TOPAZ1: variants seen among roughly 807,000 people sequenced by gnomAD.
The protein encoded by TOPAZ1 is testis and ovary specific TOPAZ 1, also known as protein TOPAZ1.
A neutral mutation model predicts 172.2 loss-of-function variants in TOPAZ1; 66 were observed. The ratio of observed to expected loss-of-function variants is 0.38; its 90% confidence interval spans 0.31 to 0.47. The LOEUF (loss-of-function observed/expected upper bound fraction) is 0.47, where lower values mean the gene tolerates loss of function less well. TOPAZ1 is among the 20% of genes least tolerant of loss of function. The pLI is 0.99. For synonymous variants in TOPAZ1, 681 were observed against 683.9 expected (o/e 1.00, Z 0.07); for missense variants, 1,822 against 1,972.4 (o/e 0.92, Z 1.44).
Position 44,244,870 on chromosome 3 carries a change from A to G in TOPAZ1, c.2364A>G (p.Glu788=), listed in dbSNP as rs1248723167. ...NNSKPSNHVS[E]PGNIVSNKEV... ...GCAAACCATCTAATCACGTCTCTGA[A>G]CCAGGCAATATTGTTTCTAATAAAG... Residue 788 remains glutamate, a synonymous_variant, in exon 2 of 20, where the codon GAA becomes GAG. Transcript: ENST00000309765. The G allele has an allele frequency of 1.0e-5, 16 of 1,551,778 alleles. No individual in the cohort carries two copies. The highest frequency in any genetic ancestry group is 2.4e-5 in the East Asian group (1 of 40,910).
intron 9 of TOPAZ1, among the ~76,000 whole-genome samples, chr3:44,283,363 T>C (rs1029615194): frequency 2.0e-5 from 3 of 152,090 alleles, no homozygotes; most frequent in Non-Finnish European, 2.9e-5. Flanking sequence ...ACAAGAGGAA[T>C]CACTTTAAGA....
chr3:44,316,048 A>G (rs1700447950), intron 16 of TOPAZ1, among the ~76,000 whole-genome samples: 1 of 151,966 alleles, frequency 6.6e-6, no homozygotes, highest in South Asian at 2.1e-4. Flanking sequence ...CAGCCTGGGC[A>G]ACGTAGGGAG....
At chr3:44,282,707 C>T (rs1025693738) in intron 9 of TOPAZ1, among the ~76,000 whole-genome samples, 1 of 152,090 alleles carries the variant, frequency 6.6e-6, no homozygotes, top group Non-Finnish European at 1.5e-5. Context: ...ACACAACCAC[C>T]AAAGCCACAT....
In TOPAZ1 at chr3:44,244,458, C is replaced by T. The variant is rs1187129623; in HGVS notation, c.1952C>T (p.Ala651Val). 1 of 1,551,622 alleles carries T rather than the reference C, an allele frequency of 6.4e-7. No homozygotes were observed. Among genetic ancestry groups the T allele is most frequent in the African/African-American group, 1.4e-5 (1 of 73,158 alleles). ...LTATSKDGQE[A>V]NNSAGKTIHR... is the part of the protein sequence containing the mutation. ...GCGACTTCCAAAGATGGTCAGGAAG[C>T]AAATAACTCTGCAGGCAAAACTATT... is the stretch of plus-strand genomic sequence containing the variant. Residue 651 changes from alanine (A) to valine (V), a missense_variant, in exon 2 of 20, where the codon GCA becomes GTA. By Grantham distance (64) the Ala-to-Val change is moderately conservative (BLOSUM62 0). Around this residue, in one of 2 missense-constraint regions of TOPAZ1, gnomAD observed 1,489 missense variants for 1,490.8 expected, o/e 1.00. Transcript: ENST00000309765.
At chr3:44,265,942 A>G (rs978884634) in intron 5 of TOPAZ1, among the ~76,000 whole-genome samples, 1 of 152,210 alleles carries the variant, frequency 6.6e-6, no homozygotes, top group Non-Finnish European at 1.5e-5. Context: ...TTCTTCCGGT[A>G]TAAGGCAGTT....
chr3:44,275,347 C>A (rs1699941884), intron 8 of TOPAZ1, among the ~76,000 whole-genome samples: 1 of 151,954 alleles, frequency 6.6e-6, no homozygotes, highest in African/African-American at 2.4e-5. Context: ...ACTCTTTTTC[C>A]CCCTCCTACC....
chr3:44,326,280 G>C (rs534112870), intron 18 of TOPAZ1, among the ~76,000 whole-genome samples: 1 of 152,202 alleles, frequency 6.6e-6, no homozygotes, highest in African/African-American at 2.4e-5. Flanking sequence ...AGCCGTGTAC[G>C]GGATTTCCTG....
intron 17 of TOPAZ1, among the ~76,000 whole-genome samples, chr3:44,322,170 A>C (rs531597742): frequency 6.6e-6 from 1 of 152,334 alleles, no homozygotes; most frequent in South Asian, 2.1e-4. Context: ...AAGATTCTAA[A>C]GCAGTAAGGA....
intron 16 of TOPAZ1, among the ~76,000 whole-genome samples, chr3:44,315,615 G>A (rs888987250): frequency 3.4e-5 from 5 of 147,998 alleles, no homozygotes. Context: ...CAGGTGATCC[G>A]CCCACCTTGG....
intron 1 of TOPAZ1, among the ~76,000 whole-genome samples, 155 bp from the exon 2 acceptor site, chr3:44,242,698 A>G (rs1699500174): frequency 6.6e-6 from 1 of 152,246 alleles, no homozygotes; most frequent in African/African-American, 2.4e-5. Flanking sequence ...ATTCCTTAAC[A>G]GAAATTAAGG....
intron 8 of TOPAZ1, among the ~76,000 whole-genome samples, chr3:44,276,211 A>AT (rs1360765507): frequency 6.6e-6 from 1 of 151,936 alleles, no homozygotes; most frequent in Non-Finnish European, 1.5e-5. Flanking sequence ...CATTTGTCTT[A>AT]TTTTTTGTTT....
At chr3:44,304,276 A>G (rs1700310327) in intron 13 of TOPAZ1, among the ~76,000 whole-genome samples, 195 bp downstream of exon 13, 1 of 152,218 alleles carries the variant, frequency 6.6e-6, no homozygotes, top group South Asian at 2.1e-4. Flanking sequence ...TAATTTCTAG[A>G]GTTGTGGACT....
Position 44,244,337 on chromosome 3 carries a change from A to C in TOPAZ1, c.1831A>C (p.Asn611His), listed in dbSNP as rs1699531887. The change falls in exon 2 of 20, where the codon AAC (asparagine) becomes CAC (histidine). Residue 611 changes from asparagine to histidine, a missense_variant. Asn to His is a moderately conservative substitution (Grantham distance 68). Transcript: ENST00000309765. ...LSRRGSEVIS[N>H]TTEDTQLTSE... is the part of the protein sequence containing the mutation. ...CAGAAGAGGGTCAGAGGTAATTTCT[A>C]ACACTACTGAAGATACTCAATTAAC... is the stretch of plus-strand genomic sequence containing the variant. 3 of 1,550,592 alleles carry C rather than the reference A, an allele frequency of 1.9e-6. No individual in the cohort carries two copies. In the East Asian group the frequency reaches 7.3e-5, roughly 38 times the overall value.
chr3:44,319,535 G>A (rs1010518755), intron 16 of TOPAZ1, among the ~76,000 whole-genome samples: 1 of 152,062 alleles, frequency 6.6e-6, no homozygotes, highest in African/African-American at 2.4e-5. Flanking sequence ...ACTTTATAAG[G>A]AATGGTGAAC....
At chr3:44,278,243 T>C (rs1219318628) in intron 8 of TOPAZ1, among the ~76,000 whole-genome samples, 2 of 152,324 alleles carry the variant, frequency 1.3e-5, no homozygotes, top group African/African-American at 4.8e-5. Context: ...TTGATCATGA[T>C]GTATTTTTTT....
At chr3:44,268,049 A>G (rs145281784) in intron 6 of TOPAZ1, among the ~76,000 whole-genome samples, 86 of 152,320 alleles carry the variant, frequency 5.6e-4, no homozygotes, top group African/African-American at 2.0e-3. Context: ...TTTTATTTTT[A>G]TTTGTTATTT....
chr3:44,331,694 A>G (rs1413947448), intron 19 of TOPAZ1, 98 bp from the exon 20 acceptor site: 6 of 953,406 alleles, frequency 6.3e-6, no homozygotes, highest in East Asian at 2.6e-5. Flanking sequence ...TGAGAAGACT[A>G]TCATAGCTTA....
intron 17 of TOPAZ1, among the ~76,000 whole-genome samples, chr3:44,321,536 A>C (rs1011519646): frequency 6.6e-6 from 1 of 152,198 alleles, no homozygotes; most frequent in Admixed American, 6.5e-5. Flanking sequence ...CTTAGTTTAC[A>C]TTACCTAGGA....
At chr3:44,247,092 A>G (rs898855133) in intron 2 of TOPAZ1, among the ~76,000 whole-genome samples, 2 of 152,224 alleles carry the variant, frequency 1.3e-5, no homozygotes, top group African/African-American at 4.8e-5. Context: ...TTAAAGTAAA[A>G]AGCGGTGTTG....
Sources: allele counts gnomAD v4.1 joint callset (sites outside exome capture counted in the v4.1 genomes callset), GRCh38; gene constraint gnomAD v4.1.1; regional missense constraint gnomAD v4.1.1; transcripts MANE v1.5; gene names NCBI Gene and HGNC (gene_info 2026-07-23, HGNC 2026-07-21).